Variants in MMP16 observed in about 807,000 individuals in gnomAD.
MMP16 encodes the protein matrix metalloproteinase-16.
MMP16 carries 12 observed loss-of-function variants against 67.8 expected under a neutral mutation model. The observed-to-expected ratio is 0.18, with a 90% CI of 0.11 to 0.29. MMP16 has a LOEUF of 0.29. MMP16 is among the 10% of genes least tolerant of loss of function. The probability of loss-of-function intolerance (pLI) is 1.00; values close to 1 mark genes in which losing one functional copy is unlikely to be tolerated. For missense variants in MMP16, 475 were observed against 765.7 expected (o/e 0.62, Z 4.48); for synonymous variants, 249 against 255.9 (o/e 0.97, Z 0.26).
At chr8:88,211,451 T>C (rs1265286076) in intron 1 of MMP16, among the ~76,000 whole-genome samples, 1 of 152,158 alleles carries the variant, frequency 6.6e-6, no homozygotes. Context: ...GTTCATAGTT[T>C]AACCATCAGA....
chr8:88,248,437 A>G (rs1478248239), intron 1 of MMP16, among the ~76,000 whole-genome samples: 3 of 152,130 alleles, frequency 2.0e-5, no homozygotes, highest in Non-Finnish European at 2.9e-5. Flanking sequence ...AGGAGCCATC[A>G]GTAAGGAATA....
chr8:88,311,387 C>T (rs1811291941), intron 1 of MMP16, among the ~76,000 whole-genome samples: 1 of 152,078 alleles, frequency 6.6e-6, no homozygotes, highest in South Asian at 2.1e-4. Flanking sequence ...CCTTTTTACT[C>T]TCATTCACTT....
At position 88,167,660 on chromosome 8, in the gene MMP16, T is replaced by A; in HGVS notation, c.709+9A>T. On this transcript the variant is annotated intron_variant, in intron 4 of 9. Coordinates refer to ENST00000286614, the MANE Select transcript of MMP16 (RefSeq NM_005941.5). ...AAATATTTACACTGTAAAACAAACA[T>A]GTACTTACCATCATGATTAGGATTT... is the stretch of plus-strand genomic sequence containing the variant. 1.9e-6 allele frequency: 3 copies of A among 1,596,406 alleles called. No homozygotes were observed. The highest frequency in any genetic ancestry group is 2.6e-6 in the Non-Finnish European group (3 of 1,170,848).
intron 1 of MMP16, among the ~76,000 whole-genome samples, chr8:88,264,068 AGTGTGTGTGTGTGT>A (rs71277993): frequency 2.1e-5 from 3 of 141,278 alleles, no homozygotes; most frequent in Admixed American, 7.1e-5. Context: ...GGAGAGAGAG[AGTGTGTGTGTGTGT>A]GTGTGTGTGT....
intron 8 of MMP16, among the ~76,000 whole-genome samples, chr8:88,053,217 G>A (rs1047043660): frequency 6.6e-6 from 1 of 152,110 alleles, no homozygotes; most frequent in Non-Finnish European, 1.5e-5. Flanking sequence ...GGTACTCTTG[G>A]GCTGTAATTG....
intron 7 of MMP16, among the ~76,000 whole-genome samples, chr8:88,059,634 G>A (rs1353341668): frequency 1.3e-5 from 2 of 151,938 alleles, no homozygotes; most frequent in Non-Finnish European, 2.9e-5. Flanking sequence ...ACTGTCCTTT[G>A]AAGGCTGTTC....
At chr8:88,069,087 T>C (rs1223439611) in intron 7 of MMP16, 1 of 188,570 alleles carries the variant, frequency 5.3e-6, no homozygotes, top group African/African-American at 2.4e-5. Context: ...AGCTTGACCA[T>C]TACTACAAAA....
intron 7 of MMP16, among the ~76,000 whole-genome samples, chr8:88,067,158 T>A (rs1808473864): frequency 6.6e-6 from 1 of 152,136 alleles, no homozygotes; most frequent in East Asian, 1.9e-4. Flanking sequence ...TTTCTACTAT[T>A]GTCAAAATAC....
chr8:88,183,657 A>G (rs1055815280), intron 3 of MMP16, among the ~76,000 whole-genome samples: 5 of 151,492 alleles, frequency 3.3e-5, no homozygotes, highest in Non-Finnish European at 2.9e-5. Flanking sequence ...CTATATAACG[A>G]AAGTGTAGTA....
intron 1 of MMP16, among the ~76,000 whole-genome samples, chr8:88,294,287 C>CAT (rs150977263): frequency 0.034 from 4,810 of 143,108 alleles, 232 homozygotes; most frequent in African/African-American, 0.11. Context: ...TACACACACA[C>CAT]ATATATGTAT....
At chr8:88,184,775 A>AG (rs1809045979) in intron 3 of MMP16, among the ~76,000 whole-genome samples, 1 of 132,828 alleles carries the variant, frequency 7.5e-6, no homozygotes, top group African/African-American at 2.8e-5. Context: ...AAAAAAAAAA[A>AG]AAAGAAAAGA....
intron 1 of MMP16, among the ~76,000 whole-genome samples, chr8:88,317,745 A>C (rs1050047376): frequency 3.3e-5 from 5 of 152,172 alleles, no homozygotes; most frequent in African/African-American, 1.2e-4. Context: ...AAATTATGTG[A>C]GTGCTGAAAG....
intron 2 of MMP16, among the ~76,000 whole-genome samples, chr8:88,191,681 A>G (rs541607665): frequency 6.6e-6 from 1 of 152,320 alleles, no homozygotes; most frequent in South Asian, 2.1e-4. Context: ...ACACACACAC[A>G]TATATCTGAA....
At chr8:88,086,842 G>C (rs891441381) in intron 6 of MMP16, among the ~76,000 whole-genome samples, 1 of 151,738 alleles carries the variant, frequency 6.6e-6, no homozygotes, top group Non-Finnish European at 1.5e-5. Context: ...AAATTACCTT[G>C]TTTATTTGTT....
At chr8:88,088,497 G>A (rs1371701867) in intron 6 of MMP16, among the ~76,000 whole-genome samples, 1 of 151,976 alleles carries the variant, frequency 6.6e-6, no homozygotes, top group East Asian at 1.9e-4. Context: ...TAAGAGATAA[G>A]GGTAGACAGG....
intron 6 of MMP16, among the ~76,000 whole-genome samples, chr8:88,083,920 A>G (rs1260441831): frequency 2.0e-5 from 3 of 152,074 alleles, no homozygotes; most frequent in Non-Finnish European, 2.9e-5. Flanking sequence ...AAAAATTTTC[A>G]TGTTGTGGTA....
At chr8:88,100,074 C>CT in intron 6 of MMP16, among the ~76,000 whole-genome samples, 3 of 152,040 alleles carry the variant, frequency 2.0e-5, no homozygotes, top group Admixed American at 2.0e-4. Flanking sequence ...TTCTGCTGTG[C>CT]AGAAGCTCTT....
At chr8:88,148,345 G>C (rs1010383273) in intron 4 of MMP16, among the ~76,000 whole-genome samples, 2 of 152,148 alleles carry the variant, frequency 1.3e-5, no homozygotes, top group Non-Finnish European at 2.9e-5. Context: ...GTTTAGAGCT[G>C]ATTCTCATTC....
intron 1 of MMP16, among the ~76,000 whole-genome samples, chr8:88,241,495 T>C (rs1453268748): frequency 6.6e-6 from 1 of 152,132 alleles, no homozygotes; most frequent in Non-Finnish European, 1.5e-5. Flanking sequence ...GTAGAGAGTT[T>C]CATATGGTAA....
Sources: gnomAD v4.1 joint callset for allele counts (sites outside exome capture counted in the v4.1 genomes callset) on GRCh38, gnomAD v4.1.1 for gene constraint, MANE v1.5 for transcripts, NCBI Gene and HGNC (gene_info 2026-07-23, HGNC 2026-07-21) for gene names.